The following RSRC1 variants were observed in gnomAD, a reference collection of about 807,000 sequenced individuals.
RSRC1 encodes the protein arginine and serine rich coiled-coil 1, also known as serine/Arginine-related protein 53.
RSRC1 carries 39 observed loss-of-function variants against 49.1 expected under a neutral mutation model. The observed-to-expected ratio is 0.79, with a 90% CI of 0.61 to 1.04. RSRC1 has a LOEUF of 1.04. Among genes scored for constraint, RSRC1 ranks in the 50% least tolerant of loss-of-function variants. RSRC1 has a pLI of 0.00. For synonymous variants in RSRC1, 143 were observed against 130.8 expected (o/e 1.09, Z -0.63); for missense variants, 388 against 402.4 (o/e 0.96, Z 0.31).
chr3:158,345,933 A>T (rs575750505), intron 5 of RSRC1, among the ~76,000 whole-genome samples: 4 of 151,662 alleles, frequency 2.6e-5, no homozygotes, highest in South Asian at 4.1e-4. Flanking sequence ...TCTTTTCCAC[A>T]GATGGTGCTG....
At chr3:158,505,036 T>C (rs548040919) in intron 7 of RSRC1, among the ~76,000 whole-genome samples, 2 of 152,360 alleles carry the variant, frequency 1.3e-5, no homozygotes, top group East Asian at 3.9e-4. Flanking sequence ...TGGGTAGCTT[T>C]GGCCTTTTAT....
intron 6 of RSRC1, among the ~76,000 whole-genome samples, chr3:158,397,924 G>GT (rs532743123): frequency 9.9e-5 from 15 of 152,076 alleles, no homozygotes; most frequent in Admixed American, 2.0e-4. Flanking sequence ...TTTAGAGAGG[G>GT]TGGGAAGCTC....
At chr3:158,347,881 T>A (rs544739237) in intron 5 of RSRC1, among the ~76,000 whole-genome samples, 4 of 152,168 alleles carry the variant, frequency 2.6e-5, no homozygotes, top group South Asian at 4.2e-4. Context: ...TTTATTTTTT[T>A]TAAAAAAATT....
At chr3:158,516,721 C>G (rs931056027) in intron 7 of RSRC1, among the ~76,000 whole-genome samples, 1 of 152,196 alleles carries the variant, frequency 6.6e-6, no homozygotes, top group African/African-American at 2.4e-5. Context: ...AGTTTGATCT[C>G]AGACTGCTGT....
chr3:158,267,521 G>T (rs1725257062), intron 4 of RSRC1, among the ~76,000 whole-genome samples: 2 of 151,452 alleles, frequency 1.3e-5, no homozygotes, highest in South Asian at 4.2e-4. Context: ...ATCTCTTGAG[G>T]TCCTCTTCAT....
At chr3:158,321,974 T>TACAC (rs71144456) in intron 5 of RSRC1, among the ~76,000 whole-genome samples, 6,246 of 148,452 alleles carry the variant, frequency 0.042, 138 homozygotes, top group Non-Finnish European at 0.048. Flanking sequence ...TTTTAACACC[T>TACAC]ACACACACAC....
At chr3:158,528,102 T>C (rs2108496906) in intron 7 of RSRC1, among the ~76,000 whole-genome samples, 3 of 151,950 alleles carry the variant, frequency 2.0e-5, no homozygotes, top group Admixed American at 2.0e-4. Flanking sequence ...TCATTATATA[T>C]AAAGGTTATT....
At chr3:158,444,294 T>C (rs1736559707) in intron 6 of RSRC1, among the ~76,000 whole-genome samples, 1 of 152,148 alleles carries the variant, frequency 6.6e-6, no homozygotes. Flanking sequence ...AGCAAGGTAC[T>C]GGCACCAAAA....
At chr3:158,463,690 A>G (rs961657424) in intron 7 of RSRC1, among the ~76,000 whole-genome samples, 6 of 152,102 alleles carry the variant, frequency 3.9e-5, no homozygotes, top group African/African-American at 1.4e-4. Context: ...AATTCATTCT[A>G]TTATGCAGTC....
intron 7 of RSRC1, among the ~76,000 whole-genome samples, chr3:158,461,448 C>A (rs12496767): frequency 0.51 from 76,709 of 151,612 alleles, 20,148 homozygotes; most frequent in African/African-American, 0.64. Context: ...TCCATGTCTT[C>A]ATTTTTAAAG....
chr3:158,280,424 T>G (rs1726074589), intron 4 of RSRC1, among the ~76,000 whole-genome samples: 1 of 152,168 alleles, frequency 6.6e-6, no homozygotes, highest in Admixed American at 6.5e-5. Context: ...GTGCGTTGGT[T>G]TTTATACCTG....
At position 158,127,022 on chromosome 3, in the gene RSRC1, G is replaced by A. The variant is rs114651558; in HGVS notation, c.320+3031G>A. 3.1e-3 allele frequency among the ~76,000 whole-genome samples: 466 copies of A among 152,074 alleles called. 2 individuals are homozygous for A. The highest frequency in any genetic ancestry group is 0.011 in the African/African-American group (440 of 41,490). On this transcript the variant is annotated intron_variant, in intron 3 of 9. Coordinates refer to ENST00000611884, the MANE Select transcript of RSRC1 (RefSeq NM_001271838.2). ...TTATGAAAGCTCCCTTGTGTATGACGATTTACTTTTCTCTTGCTGCTTTCA... is the reference window on the plus strand; with the variant it reads ...TTATGAAAGCTCCCTTGTGTATGACAATTTACTTTTCTCTTGCTGCTTTCA...
At chr3:158,221,142 C>T (rs965039027) in intron 4 of RSRC1, among the ~76,000 whole-genome samples, 11 of 151,432 alleles carry the variant, frequency 7.3e-5, no homozygotes, top group African/African-American at 2.4e-4. Flanking sequence ...AATCTTTAGT[C>T]GGTTTCTACT....
intron 6 of RSRC1, among the ~76,000 whole-genome samples, chr3:158,362,078 CCT>C (rs1731504715): frequency 6.6e-6 from 1 of 152,188 alleles, no homozygotes; most frequent in Non-Finnish European, 1.5e-5. Flanking sequence ...GTGGCTCACT[CCT>C]ATAATCCCAG....
At chr3:158,450,759 G>A (rs1324889948) in intron 6 of RSRC1, among the ~76,000 whole-genome samples, 1 of 151,858 alleles carries the variant, frequency 6.6e-6, no homozygotes, top group African/African-American at 2.4e-5. Flanking sequence ...ATAAAACTCA[G>A]TAAAAACTAT....
intron 1 of RSRC1, among the ~76,000 whole-genome samples, chr3:158,112,654 A>G (rs1308064098): frequency 6.6e-6 from 1 of 152,154 alleles, no homozygotes; most frequent in Non-Finnish European, 1.5e-5. Context: ...TGGTTTCTCT[A>G]AGGAAGGATT....
intron 4 of RSRC1, among the ~76,000 whole-genome samples, chr3:158,212,497 A>C (rs1356120380): frequency 6.6e-6 from 1 of 151,962 alleles, no homozygotes; most frequent in Non-Finnish European, 1.5e-5. Flanking sequence ...TCATATTTTA[A>C]ATACCAATTA....
intron 3 of RSRC1, among the ~76,000 whole-genome samples, chr3:158,180,228 A>G (rs138047934): frequency 1.3e-3 from 204 of 152,002 alleles, no homozygotes; most frequent in African/African-American, 4.8e-3. Flanking sequence ...TAGTTTTATC[A>G]GTTCTTCCTT....
intron 6 of RSRC1, among the ~76,000 whole-genome samples, chr3:158,451,857 A>G (rs899881158): frequency 2.6e-4 from 40 of 152,230 alleles, no homozygotes; most frequent in African/African-American, 8.9e-4. Context: ...AAACTTTAGA[A>G]AATGAGGAAG....
Sources: allele counts gnomAD v4.1 joint callset (sites outside exome capture counted in the v4.1 genomes callset), GRCh38; gene constraint gnomAD v4.1.1; transcripts MANE v1.5; gene names NCBI Gene and HGNC (gene_info 2026-07-23, HGNC 2026-07-21).